The following CUX1 variants were observed in gnomAD, a reference collection of about 807,000 sequenced individuals.
CUX1 encodes protein CASP.
Under a neutral mutation model 158.8 loss-of-function variants are expected in CUX1, and 31 were observed. The observed-to-expected ratio is 0.20, with a 90% CI of 0.15 to 0.26. The LOEUF (loss-of-function observed/expected upper bound fraction) is 0.26. Ranked by LOEUF, CUX1 falls within the 10% of genes least tolerant of loss-of-function variation. The pLI is 1.00. For missense variants in CUX1, 1,589 were observed against 2,014.6 expected (o/e 0.79, Z 4.04); for synonymous variants, 879 against 862.1 (o/e 1.02, Z -0.34).
chr7:102,112,052 C>G (rs139287183), intron 7 of CUX1: 14 of 322,280 alleles, frequency 4.3e-5, no homozygotes, highest in Non-Finnish European at 7.5e-5. Flanking sequence ...TTCCAACAAA[C>G]ACTTCTAAAT....
intron 20 of CUX1, among the ~76,000 whole-genome samples, chr7:102,223,200 T>C (rs1485025620): frequency 5.9e-5 from 9 of 151,832 alleles, no homozygotes. Context: ...GGTGAGAAGA[T>C]CACTCGAGGC....
exon 23 of CUX1, chr7:102,283,359 C>T (rs555166231): frequency 1.1e-4 from 57 of 505,210 alleles, no homozygotes; most frequent in African/African-American, 1.0e-3. Context: ...GGTTAGGGCT[C>T]TGCCCGCAGC....
intron 2 of CUX1, among the ~76,000 whole-genome samples, chr7:101,949,169 T>C (rs1042095276): frequency 6.6e-6 from 1 of 152,128 alleles, no homozygotes; most frequent in Non-Finnish European, 1.5e-5. Context: ...TCTCACTCTG[T>C]CGCCCAGGCT....
chr7:102,181,368 C>T (rs1166179753), intron 11 of CUX1, among the ~76,000 whole-genome samples: 1 of 152,178 alleles, frequency 6.6e-6, no homozygotes, highest in Non-Finnish European at 1.5e-5. Context: ...CCAGCAACGG[C>T]ATTATGATGA....
At chr7:102,052,949 A>G (rs1178248204) in intron 3 of CUX1, among the ~76,000 whole-genome samples, 1 of 152,138 alleles carries the variant, frequency 6.6e-6, no homozygotes, top group African/African-American at 2.4e-5. Context: ...CTGGGATTAC[A>G]GGCACGTGCC....
chr7:102,268,044 G>T (rs1335592375), intron 14 of CUX1, among the ~76,000 whole-genome samples: 2 of 152,082 alleles, frequency 1.3e-5, no homozygotes, highest in Non-Finnish European at 2.9e-5. Context: ...ATGTCTTTGT[G>T]GGTTCTCCCA....
intron 18 of CUX1, 119 bp from the exon 19 acceptor site, chr7:102,204,272 T>G (rs1795732983): frequency 7.7e-6 from 10 of 1,303,324 alleles, no homozygotes; most frequent in African/African-American, 1.5e-5. Context: ...GCCGTGGTTC[T>G]GTGCTCAGAA....
chr7:102,274,530 C>T (rs1554547212), intron 16 of CUX1, among the ~76,000 whole-genome samples: 3 of 152,222 alleles, frequency 2.0e-5, no homozygotes, highest in Admixed American at 6.5e-5. Flanking sequence ...GTGGGAGGAT[C>T]GCCTGAGCCC....
intron 9 of CUX1, among the ~76,000 whole-genome samples, chr7:102,164,407 C>T (rs145131747): frequency 2.6e-5 from 4 of 152,324 alleles, no homozygotes; most frequent in African/African-American, 7.2e-5. Flanking sequence ...TGGGCTTTGA[C>T]GCACAGGCTG....
chr7:102,177,093 T>G (rs938798226), intron 10 of CUX1, among the ~76,000 whole-genome samples: 2 of 152,054 alleles, frequency 1.3e-5, no homozygotes, highest in Non-Finnish European at 2.9e-5. Context: ...CAAATATACA[T>G]TTTCCACATC....
chr7:102,137,709 G>A (rs1281461456), intron 8 of CUX1, among the ~76,000 whole-genome samples: 1 of 152,008 alleles, frequency 6.6e-6, no homozygotes, highest in Non-Finnish European at 1.5e-5. Flanking sequence ...CTTTTAAATA[G>A]TACATTTCAT....
At chr7:102,219,368 C>G (rs1797586415) in intron 20 of CUX1, among the ~76,000 whole-genome samples, 1 of 152,164 alleles carries the variant, frequency 6.6e-6, no homozygotes, top group South Asian at 2.1e-4. Flanking sequence ...CCACTCCAAC[C>G]CTTCTCCACC....
chr7:101,939,365 A>G (rs960945517), intron 2 of CUX1, among the ~76,000 whole-genome samples: 37 of 152,042 alleles, frequency 2.4e-4, no homozygotes, highest in Non-Finnish European at 4.9e-4. Flanking sequence ...GATGTACCAC[A>G]GCATGGAGGG....
intron 1 of CUX1, among the ~76,000 whole-genome samples, chr7:101,868,945 C>A (rs575092090): frequency 6.6e-6 from 1 of 152,176 alleles, no homozygotes; most frequent in South Asian, 2.1e-4. Context: ...GAAACCTGGG[C>A]GAGAACAGGA....
rs1789725894 is a variant in CUX1 at position 102,254,917 on chromosome 7, A to G, written c.*5875A>G. Reference sequence around the variant, plus strand: ...TTGTAGATGAAAACTACCAGGGAAAAGGGGAAGCAGGTACCCAATAAAGTT... The same window carrying G: ...TTGTAGATGAAAACTACCAGGGAAAGGGGGAAGCAGGTACCCAATAAAGTT... On this transcript the variant is annotated 3_prime_UTR_variant, in exon 24 of 24. Coordinates refer to ENST00000292535, the MANE Select transcript of CUX1 (RefSeq NM_181552.4). The G allele has an allele frequency of 2.0e-6, 2 of 985,356 alleles. No homozygotes were observed. Among genetic ancestry groups the G allele is most frequent in the Middle Eastern group, 5.2e-4 (1 of 1,936 alleles). 61.0% of individuals were successfully genotyped at this position (985,356 alleles called of 1,614,324 possible). A position where few individuals can be genotyped will look rare whatever the true frequency, so the allele number is the denominator to read the frequency against.
At chr7:102,098,814 T>C (rs1554485285) in intron 5 of CUX1, among the ~76,000 whole-genome samples, 2 of 70,816 alleles carry the variant, frequency 2.8e-5, no homozygotes, top group Admixed American at 1.3e-4. Context: ...CTAATTTTTT[T>C]TTTTTTTTTT....
chr7:101,854,041 C>A (rs1388005496), intron 1 of CUX1, among the ~76,000 whole-genome samples: 1 of 152,112 alleles, frequency 6.6e-6, no homozygotes. Flanking sequence ...TGCTTTCCAG[C>A]GCTTTCCAGC....
chr7:102,097,887 G>A (rs1051549003), intron 5 of CUX1, among the ~76,000 whole-genome samples: 5 of 152,236 alleles, frequency 3.3e-5, no homozygotes, highest in African/African-American at 1.2e-4. Context: ...TTTAATAATT[G>A]CTGTGGATAC....
chr7:101,882,487 A>C (rs1003617488), intron 1 of CUX1, among the ~76,000 whole-genome samples: 1 of 152,200 alleles, frequency 6.6e-6, no homozygotes, highest in Non-Finnish European at 1.5e-5. Context: ...TGTAGAAATT[A>C]AAAAAGAAAA....
Sources: allele counts gnomAD v4.1 joint callset (sites outside exome capture counted in the v4.1 genomes callset), GRCh38; gene constraint gnomAD v4.1.1; transcripts MANE v1.5; gene names NCBI Gene and HGNC (gene_info 2026-07-23, HGNC 2026-07-21).